The following ADAM9 variants were observed in gnomAD, a reference collection of about 807,000 sequenced individuals.
ADAM9 encodes the protein disintegrin and metalloproteinase domain-containing protein 9.
In ADAM9, 54 loss-of-function variants were observed where a neutral mutation model predicts 108.1. That is an observed-to-expected ratio of 0.50 (90% CI 0.40 to 0.63). The LOEUF (loss-of-function observed/expected upper bound fraction) is 0.63, where lower values mean the gene tolerates loss of function less well. Among genes scored for constraint, ADAM9 ranks in the 20% least tolerant of loss-of-function variants. The pLI, the probability that ADAM9 is intolerant of heterozygous loss-of-function variation, is 0.00. For missense variants in ADAM9, 830 were observed against 997.7 expected, an observed-to-expected ratio of 0.83 and a Z score of 2.26; for synonymous variants, 316 against 336.0, an observed-to-expected ratio of 0.94 and a Z score of 0.65.
At chr8:39,072,085 T>G (rs181026249) in intron 15 of ADAM9, among the ~76,000 whole-genome samples, 34 of 152,368 alleles carry the variant, frequency 2.2e-4, no homozygotes, top group African/African-American at 6.0e-4. Context: ...TCTTCTAGCT[T>G]TGTATAATTT....
intron 1 of ADAM9, among the ~76,000 whole-genome samples, chr8:39,005,738 T>G (rs1186692819): frequency 1.3e-5 from 2 of 152,222 alleles, no homozygotes; most frequent in Non-Finnish European, 2.9e-5. Flanking sequence ...TTTTTCCCTT[T>G]CCTGTCCTCC....
At chr8:39,059,660 C>A (rs191388682) in intron 14 of ADAM9, among the ~76,000 whole-genome samples, 57 of 152,364 alleles carry the variant, frequency 3.7e-4, no homozygotes, top group African/African-American at 1.3e-3. Context: ...TGGGCCATAG[C>A]CCATAAATTG....
chr8:39,101,696 T>C (rs142360274), intron 20 of ADAM9, among the ~76,000 whole-genome samples, 167 bp from the exon 21 acceptor site: 9 of 152,216 alleles, frequency 5.9e-5, no homozygotes, highest in African/African-American at 2.2e-4. Context: ...TATTCCAAAA[T>C]TGGAAAAAAA....
intron 3 of ADAM9, 32 bp from the exon 4 acceptor site, chr8:39,013,931 CAT>C (rs1564236988): frequency 6.6e-7 from 1 of 1,514,066 alleles, no homozygotes; most frequent in Non-Finnish European, 9.2e-7. Flanking sequence ...AGATAGATAA[CAT>C]ATATATAAAC....
intron 15 of ADAM9, among the ~76,000 whole-genome samples, chr8:39,071,735 G>A (rs1252981043): frequency 1.3e-5 from 2 of 152,158 alleles, no homozygotes; most frequent in African/African-American, 4.8e-5. Flanking sequence ...AAAGTGCTGG[G>A]ATTAGAGGCG....
At chr8:39,025,699 T>G in intron 9 of ADAM9, 104 bp from the exon 10 acceptor site, 1 of 1,076,312 alleles carries the variant, frequency 9.3e-7, no homozygotes, top group South Asian at 1.3e-5. Context: ...TTTCCTGCCA[T>G]GTTTTGTAGG....
rs1839777615 is a variant in ADAM9 at position 39,103,809 on chromosome 8, A to G, written c.*109A>G. On this transcript the variant is annotated 3_prime_UTR_variant, in exon 22 of 22. Coordinates refer to ENST00000487273, the MANE Select transcript of ADAM9 (RefSeq NM_003816.3). ...TTCTGTTGCAACTATGAATGAAAAC[A>G]AAACACCACAAAACAGACTTCACTA... is the stretch of plus-strand genomic sequence containing the variant. The G allele has an allele frequency of 5.1e-6, 5 of 974,488 alleles. No homozygotes were observed. The highest frequency in any genetic ancestry group is 1.9e-5 in the Admixed American group (1 of 52,408). The allele number at this position is 974,488 out of a possible 1,614,324, so 60.4% of individuals were successfully genotyped here.
At chr8:39,027,406 G>A (rs940490898) in intron 11 of ADAM9, among the ~76,000 whole-genome samples, 4 of 152,150 alleles carry the variant, frequency 2.6e-5, no homozygotes, top group African/African-American at 9.7e-5. Flanking sequence ...TTATGTACAG[G>A]CACTATTGTA....
chr8:39,022,239 CGAT>C (rs138102081), intron 8 of ADAM9, among the ~76,000 whole-genome samples: 6 of 152,112 alleles, frequency 3.9e-5, no homozygotes, highest in South Asian at 2.1e-4. Flanking sequence ...GTGATGATGA[CGAT>C]GATGATGATA....
intron 14 of ADAM9, among the ~76,000 whole-genome samples, chr8:39,070,793 T>G (rs1319294377): frequency 6.6e-6 from 1 of 150,998 alleles, no homozygotes; most frequent in Non-Finnish European, 1.5e-5. Context: ...CAAGAATAGA[T>G]TGTTACTTTG....
intron 15 of ADAM9, among the ~76,000 whole-genome samples, chr8:39,076,881 A>G (rs1260157593): frequency 1.3e-5 from 2 of 152,216 alleles, no homozygotes; most frequent in African/African-American, 2.4e-5. Flanking sequence ...TGATATTGCT[A>G]TATTATTTTC....
chr8:39,050,452 C>CTTTT (rs34010269), intron 12 of ADAM9, among the ~76,000 whole-genome samples: 2 of 144,306 alleles, frequency 1.4e-5, no homozygotes, highest in Non-Finnish European at 3.0e-5. Flanking sequence ...ACTTATATTT[C>CTTTT]TTTTTTTTTT....
intron 14 of ADAM9, among the ~76,000 whole-genome samples, chr8:39,070,813 G>A (rs138723082): frequency 1.3e-5 from 2 of 150,788 alleles, no homozygotes; most frequent in East Asian, 1.9e-4. Context: ...GTCATCTGTC[G>A]TCAGTGTTTG....
intron 14 of ADAM9, among the ~76,000 whole-genome samples, chr8:39,064,490 G>T (rs1300020708): frequency 6.6e-6 from 1 of 152,158 alleles, no homozygotes; most frequent in Non-Finnish European, 1.5e-5. Context: ...GAAAATCCCA[G>T]ATTTGTAGGA....
chr8:39,101,653 C>T (rs1437228084), intron 20 of ADAM9, among the ~76,000 whole-genome samples: 3 of 152,084 alleles, frequency 2.0e-5, no homozygotes, highest in East Asian at 1.9e-4. Context: ...ACTTGGGTCC[C>T]GTCCCCAAAA....
chr8:39,100,417 T>C (rs899919351), intron 20 of ADAM9, among the ~76,000 whole-genome samples: 4 of 148,946 alleles, frequency 2.7e-5, no homozygotes, highest in East Asian at 2.0e-4. Context: ...GGTGTGAACC[T>C]GGGAGGCGGA....
intron 15 of ADAM9, chr8:39,076,070 G>A (rs1294986101): frequency 1.3e-5 from 2 of 152,170 alleles, no homozygotes; most frequent in Non-Finnish European, 2.9e-5. Flanking sequence ...AGTTATAAAA[G>A]CTATTGTAAT....
chr8:39,100,449 C>T (rs556689902), intron 20 of ADAM9, among the ~76,000 whole-genome samples: 4 of 150,688 alleles, frequency 2.7e-5, no homozygotes, highest in South Asian at 2.1e-4. Flanking sequence ...GCTGAGATCG[C>T]GCCACTGCAC....
chr8:39,045,360 ATAGG>A (rs1837685278), intron 12 of ADAM9, among the ~76,000 whole-genome samples: 2 of 73,154 alleles, frequency 2.7e-5, no homozygotes, highest in African/African-American at 8.9e-5. Flanking sequence ...GTACATACAT[ATAGG>A]TGTGTGTACA....
Sources: allele counts gnomAD v4.1 joint callset (sites outside exome capture counted in the v4.1 genomes callset), GRCh38; gene constraint gnomAD v4.1.1; transcripts MANE v1.5; gene names NCBI Gene and HGNC (gene_info 2026-07-23, HGNC 2026-07-21).